Variants in SAMD12 observed in about 807,000 individuals in gnomAD.
SAMD12 encodes sterile alpha motif domain-containing protein 12.
Under a neutral mutation model 15.0 loss-of-function variants are expected in SAMD12, and 9 were observed. The observed-to-expected ratio is 0.60, with a 90% confidence interval of 0.36 to 1.05. SAMD12 has a LOEUF of 1.05. Among genes scored for constraint, SAMD12 ranks in the 50% least tolerant of loss-of-function variants. SAMD12 has a pLI of 0.01. For synonymous variants in SAMD12, 86 were observed against 90.1 expected, an observed-to-expected ratio of 0.96 and a Z score of 0.25; for missense variants, 230 against 234.2, an observed-to-expected ratio of 0.98 and a Z score of 0.12.
At chr8:118,485,654 T>C (rs1226229975) in intron 2 of SAMD12, among the ~76,000 whole-genome samples, 2 of 152,188 alleles carry the variant, frequency 1.3e-5, no homozygotes, top group Non-Finnish European at 2.9e-5. Flanking sequence ...CGGGCAGTTC[T>C]AGCAGCCGAA....
chr8:118,471,048 C>G (rs1413801022), intron 2 of SAMD12, among the ~76,000 whole-genome samples: 4 of 152,122 alleles, frequency 2.6e-5, no homozygotes, highest in Non-Finnish European at 5.9e-5. Context: ...AAATGAAAGG[C>G]TTCAGGCAAA....
chr8:118,175,758 A>T, the SAMD12 span, among the ~76,000 whole-genome samples: 1 of 152,256 alleles, frequency 6.6e-6, no homozygotes, highest in Non-Finnish European at 1.5e-5. Flanking sequence ...ACTAATCATT[A>T]GGGAAATGCA....
At chr8:118,565,546 G>A (rs1826823973) in intron 2 of SAMD12, among the ~76,000 whole-genome samples, 1 of 152,158 alleles carries the variant, frequency 6.6e-6, no homozygotes, top group South Asian at 2.1e-4. Flanking sequence ...TTTGTCACAT[G>A]CACACATGCA....
chr8:118,616,835 T>G (rs950426294), intron 1 of SAMD12, among the ~76,000 whole-genome samples: 5 of 152,212 alleles, frequency 3.3e-5, no homozygotes, highest in Non-Finnish European at 7.3e-5. Flanking sequence ...CTCTACCTCC[T>G]GTCAGATCAA....
At chr8:118,179,498 T>G in the SAMD12 span, among the ~76,000 whole-genome samples, 1 of 151,786 alleles carries the variant, frequency 6.6e-6, no homozygotes, top group Non-Finnish European at 1.5e-5. Context: ...CTTAATGTGG[T>G]TGGCCAGGTA....
chr8:118,486,380 C>A (rs1224625665), intron 2 of SAMD12, among the ~76,000 whole-genome samples: 1 of 151,296 alleles, frequency 6.6e-6, no homozygotes, highest in African/African-American at 2.4e-5. Flanking sequence ...TGCGCCACTG[C>A]ACTCCAGCCT....
At chr8:118,542,865 C>T (rs561998084) in intron 2 of SAMD12, among the ~76,000 whole-genome samples, 5 of 152,298 alleles carry the variant, frequency 3.3e-5, no homozygotes, top group Admixed American at 2.0e-4. Flanking sequence ...TCTATCTACA[C>T]TACCATCTTA....
intron 4 of SAMD12, among the ~76,000 whole-genome samples, chr8:118,205,974 A>G (rs1475081174): frequency 1.3e-5 from 2 of 152,256 alleles, no homozygotes; most frequent in African/African-American, 4.8e-5. Flanking sequence ...TAAGGCCACT[A>G]GTCTACTACA....
chr8:118,208,150 G>A (rs899678247), intron 4 of SAMD12, among the ~76,000 whole-genome samples: 7 of 152,174 alleles, frequency 4.6e-5, no homozygotes, highest in Admixed American at 2.6e-4. Context: ...CCAGCTACTC[G>A]GGAGGCTGAG....
chr8:118,561,393 T>G (rs1004139138), intron 2 of SAMD12, among the ~76,000 whole-genome samples: 1 of 152,230 alleles, frequency 6.6e-6, no homozygotes, highest in Non-Finnish European at 1.5e-5. Context: ...CTTTATCATT[T>G]TCTTTATATT....
the SAMD12 span, among the ~76,000 whole-genome samples, chr8:118,176,014 T>A: frequency 1.1e-4 from 16 of 152,068 alleles, no homozygotes; most frequent in African/African-American, 3.4e-4. Context: ...AGAATAGAAA[T>A]TTTTTGGCCA....
chr8:118,506,626 A>G (rs1473212355), intron 2 of SAMD12, among the ~76,000 whole-genome samples: 1 of 152,120 alleles, frequency 6.6e-6, no homozygotes, highest in Admixed American at 6.6e-5. Context: ...GACTTGAGGC[A>G]TGAAGAGTCA....
intron 3 of SAMD12, among the ~76,000 whole-genome samples, chr8:118,406,560 T>A (rs1029587519): frequency 1.3e-5 from 2 of 152,202 alleles, no homozygotes; most frequent in Non-Finnish European, 2.9e-5. Context: ...AGTCATGAGG[T>A]ACTGGCCCAA....
At chr8:118,224,444 A>T (rs1405128544) in intron 4 of SAMD12, among the ~76,000 whole-genome samples, 1 of 152,206 alleles carries the variant, frequency 6.6e-6, no homozygotes, top group East Asian at 1.9e-4. Context: ...GGACAATATT[A>T]TTTTAATATC....
chr8:118,428,992 T>C (rs1563854552), intron 3 of SAMD12, among the ~76,000 whole-genome samples: 1 of 152,206 alleles, frequency 6.6e-6, no homozygotes, highest in Non-Finnish European at 1.5e-5. Context: ...TGGTGTTATA[T>C]TGATTGTGAT....
At chr8:118,164,674 A>T in the SAMD12 span, among the ~76,000 whole-genome samples, 1 of 151,288 alleles carries the variant, frequency 6.6e-6, no homozygotes, top group African/African-American at 2.4e-5. Context: ...TCTGCTCTGG[A>T]CTTTACAGCT....
intron 4 of SAMD12, among the ~76,000 whole-genome samples, chr8:118,365,759 A>G (rs935935749): frequency 6.6e-6 from 1 of 152,242 alleles, no homozygotes; most frequent in Admixed American, 6.5e-5. Context: ...ACCCTAATAC[A>G]GCCTCAGAAC....
Position 118,580,979 on chromosome 8 carries a change from G to A in SAMD12, c.14-86C>T, listed in dbSNP as rs1027790409. On this transcript the variant is annotated intron_variant, in intron 1 of 3. Coordinates refer to ENST00000314727, the MANE Select transcript of SAMD12 (RefSeq NM_207506.3). ...AGAAAATATTCATCAAGCCTAAGTA[G>A]GAAAAAAACGAGGCATCTATGAGTC... 1.2e-5 allele frequency: 12 copies of A among 1,036,998 alleles called. No individual in the cohort carries two copies. In the Middle Eastern group the frequency reaches 8.4e-4, roughly 73 times the overall value. The allele number at this position is 1,036,998 out of a possible 1,614,324, so 64.2% of individuals were successfully genotyped here.
intron 2 of SAMD12, among the ~76,000 whole-genome samples, chr8:118,532,045 T>G (rs796460260): frequency 1.2e-4 from 19 of 152,342 alleles, no homozygotes; most frequent in African/African-American, 4.6e-4. Context: ...GCCCATTCAG[T>G]ATGATATTGG....
Sources: allele counts gnomAD v4.1 joint callset (sites outside exome capture counted in the v4.1 genomes callset), GRCh38; gene constraint gnomAD v4.1.1; transcripts MANE v1.5; gene names NCBI Gene and HGNC (gene_info 2026-07-23, HGNC 2026-07-21).